CATSPERG: variants seen among roughly 807,000 people sequenced by gnomAD.
CATSPERG encodes catsper channel auxiliary subunit gamma, also known as cation channel sperm-associated auxiliary subunit gamma.
CATSPERG carries 115 observed loss-of-function variants against 145.0 expected under a neutral mutation model. That is an observed-to-expected ratio of 0.79 (90% confidence interval 0.68 to 0.93). CATSPERG has a LOEUF of 0.93. Among genes scored for constraint, CATSPERG ranks in the 40% least tolerant of loss-of-function variants. The pLI is 0.00. For synonymous variants in CATSPERG, 588 were observed against 589.0 expected (o/e 1.00, Z 0.02); for missense variants, 1,296 against 1,490.1 (o/e 0.87, Z 2.14).
In CATSPERG at chr19:38,344,122, A is replaced by G. The variant is rs547372346; in HGVS notation, c.596+3A>G. ...GGGACCTTCATTCCAGATAAAAGGT[A>G]CCCTTTCCCAAGACGGGGGCTGGGG... On this transcript the variant is annotated splice_donor_region_variant and intron_variant, in intron 5 of 28. Transcript: ENST00000409235. 22 of 1,551,438 alleles carry G rather than the reference A, an allele frequency of 1.4e-5. No homozygotes were observed. Among genetic ancestry groups the G allele is most frequent in the Non-Finnish European group, 1.9e-5 (22 of 1,146,906 alleles).
chr19:38,351,830 C>G (rs771258077), intron 7 of CATSPERG, among the ~76,000 whole-genome samples: 6 of 152,082 alleles, frequency 3.9e-5, no homozygotes, highest in African/African-American at 1.4e-4. Flanking sequence ...GAGGATCGTT[C>G]GAGCCCAGGA....
At chr19:38,358,704 A>T in intron 13 of CATSPERG, 143 bp downstream of exon 13, 1 of 973,612 alleles carries the variant, frequency 1.0e-6, no homozygotes, top group Middle Eastern at 3.2e-4. Context: ...CAGGACTGTG[A>T]TGAGGAACAC....
intron 25 of CATSPERG, 71 bp from the exon 26 acceptor site, chr19:38,367,977 C>A: frequency 7.0e-7 from 1 of 1,430,142 alleles, no homozygotes; most frequent in Non-Finnish European, 9.9e-7. Context: ...TCCCTCCACA[C>A]TGACCACTGA....
At position 38,358,426 on chromosome 19, in the gene CATSPERG, G is replaced by A. The variant is rs577229298; in HGVS notation, c.1367-6G>A. The A allele has an allele frequency of 5.1e-5, 83 of 1,614,148 alleles. 2 individuals are homozygous for A. The South Asian group carries it at 6.0e-4, about 12-fold the overall frequency. On this transcript the variant is annotated splice_polypyrimidine_tract_variant and splice_region_variant and intron_variant, in intron 12 of 28. Transcript: ENST00000409235. ...GCTGTGTCCTCTCTTCCTCTGCTCC[G>A]GTCAGCTCGAGGATTGGAGTTCCTG...
chr19:38,351,146 T>C (rs1411538577), intron 7 of CATSPERG, among the ~76,000 whole-genome samples: 1 of 152,158 alleles, frequency 6.6e-6, no homozygotes, highest in Non-Finnish European at 1.5e-5. Context: ...CTCAGGTCCC[T>C]ACCACCCCAA....
At chr19:38,347,609 G>A (rs969687388) in intron 7 of CATSPERG, among the ~76,000 whole-genome samples, 3 of 152,160 alleles carry the variant, frequency 2.0e-5, no homozygotes, top group Admixed American at 6.5e-5. Context: ...ACAGGAGAAC[G>A]CCAAGGCAGG....
chr19:38,335,950 G>A, intron 1 of CATSPERG, 75 bp downstream of exon 1: 1 of 287,980 alleles, frequency 3.5e-6, no homozygotes, highest in South Asian at 2.7e-5. Flanking sequence ...AACTAGGAAG[G>A]GGAGGGGAAG....
chr19:38,360,088 G>A (rs945671592), intron 14 of CATSPERG: 17 of 985,170 alleles, frequency 1.7e-5, no homozygotes, highest in Admixed American at 1.2e-4. Context: ...ATGGGGGTGG[G>A]CATCAGTGCA....
intron 6 of CATSPERG, among the ~76,000 whole-genome samples, chr19:38,346,240 A>C (rs1970039644): frequency 6.6e-6 from 1 of 152,184 alleles, no homozygotes; most frequent in Non-Finnish European, 1.5e-5. Context: ...TGAGGTGGGC[A>C]TGTTCCTGGG....
At chr19:38,368,638 G>T (rs1464502697) in intron 26 of CATSPERG, among the ~76,000 whole-genome samples, 1 of 152,218 alleles carries the variant, frequency 6.6e-6, no homozygotes, top group Non-Finnish European at 1.5e-5. Context: ...CCACCTTCCA[G>T]GTTCAAGCGA....
In CATSPERG at chr19:38,367,519, C is replaced by G; in HGVS notation, c.2781C>G (p.Pro927=). 2 of 1,614,056 alleles carry G rather than the reference C, an allele frequency of 1.2e-6. No homozygotes were observed. Among genetic ancestry groups the G allele is most frequent in the South Asian group, 1.1e-5 (1 of 91,076 alleles). ...CCTCCAACCCCATAGTTTTCTACCC[C>G]TTCTTCTTGATTCAAGATTTGGTGA... is the stretch of plus-strand genomic sequence containing the variant. ...PCFLFRDIFY[P]FFLIQDLVTG... Residue 927 remains proline (P), a synonymous_variant, in exon 24 of 29, where the codon CCC becomes CCG. Coordinates refer to ENST00000409235, the MANE Select transcript of CATSPERG (RefSeq NM_021185.5).
intron 20 of CATSPERG, among the ~76,000 whole-genome samples, chr19:38,364,649 C>G (rs1307975845): frequency 6.6e-6 from 1 of 152,250 alleles, no homozygotes; most frequent in Non-Finnish European, 1.5e-5. Flanking sequence ...ACTGAGTGAA[C>G]CAGACTCCGT....
At chr19:38,341,052 G>A (rs1969930085) in intron 3 of CATSPERG, among the ~76,000 whole-genome samples, 1 of 152,188 alleles carries the variant, frequency 6.6e-6, no homozygotes, top group African/African-American at 2.4e-5. Context: ...AGGTAGGAAA[G>A]AGGTCAGCAT....
intron 6 of CATSPERG, among the ~76,000 whole-genome samples, 164 bp from the exon 7 acceptor site, chr19:38,346,286 G>T (rs1408704183): frequency 4.6e-5 from 7 of 152,318 alleles, no homozygotes. Context: ...TTGTGGCTGG[G>T]AGAGAGGGAC....
rs113209702 is a variant in CATSPERG, at chr19:38,369,431, T to A, written c.3021-541T>A. 3.1e-3 allele frequency: 619 copies of A among 202,338 alleles called. 4 individuals carry two copies. Among genetic ancestry groups the A allele is most frequent in the African/African-American group, 0.014 (585 of 42,394 alleles). 12.5% of individuals were successfully genotyped at this position (202,338 alleles called of 1,614,324 possible). On this transcript the variant is annotated intron_variant, in intron 26 of 28. Transcript: ENST00000409235. ...GCATGCCACCATGCCCCGCTAATTT[T>A]TGTATTTTTTGTAGAGACGGGGTTT...
rs896260242 is a variant in CATSPERG at position 38,344,033 on chromosome 19, C to T, written c.510C>T (p.Tyr170=). The T allele has an allele frequency of 9.7e-6, 15 of 1,551,286 alleles. No individual in the cohort carries two copies. In the Admixed American group the frequency reaches 2.5e-4, roughly 26 times the overall value. Residue 170 remains tyrosine, a synonymous_variant, in exon 5 of 29, where the codon TAC becomes TAT. Coordinates refer to ENST00000409235, the MANE Select transcript of CATSPERG (RefSeq NM_021185.5). ...AAGAAGTGTGTAGCATGAGCTGGTA[C>T]ACGCCCATGCCCATCAAGAAAGGCA... is the stretch of plus-strand genomic sequence containing the variant. The part of the protein sequence containing the change: ...MAEEVCSMSW[Y]TPMPIKKGSV...
chr19:38,362,427 A>G lies in CATSPERG; in HGVS notation c.2209A>G (p.Ile737Val), dbSNP rs143041799. Residue 737 changes from isoleucine to valine, a missense_variant, in exon 19 of 29, where the codon ATA becomes GTA. Ile to Val is a conservative substitution (Grantham distance 29). Transcript: ENST00000409235. Reference protein sequence around the residue: ...SNWRSAGGVSIEMDSYEKIYN... With the variant: ...SNWRSAGGVSVEMDSYEKIYN... Reference sequence around the variant, plus strand: ...TTGGCGAAGCGCGGGCGGCGTGTCCATAGAAATGGACAGCTACGAAAAGAT... The same window carrying G: ...TTGGCGAAGCGCGGGCGGCGTGTCCGTAGAAATGGACAGCTACGAAAAGAT... 220 of 1,613,984 alleles carry G rather than the reference A, an allele frequency of 1.4e-4. No homozygotes were observed. The highest frequency in any genetic ancestry group is 4.8e-4 in the Admixed American group (29 of 60,006).
intron 7 of CATSPERG, among the ~76,000 whole-genome samples, chr19:38,351,299 G>A (rs1011828471): frequency 6.6e-6 from 1 of 151,728 alleles, no homozygotes; most frequent in Non-Finnish European, 1.5e-5. Context: ...CGTCTACACA[G>A]TTATTTATTT....
intron 6 of CATSPERG, among the ~76,000 whole-genome samples, chr19:38,344,903 T>TATATA (rs1568372947): frequency 1.2e-5 from 1 of 86,168 alleles, no homozygotes; most frequent in Non-Finnish European, 2.4e-5. Context: ...ATATATATAT[T>TATATA]TTTTTTTTTT....
Sources: gnomAD v4.1 joint callset for allele counts (sites outside exome capture counted in the v4.1 genomes callset) on GRCh38, gnomAD v4.1.1 for gene constraint, MANE v1.5 for transcripts, NCBI Gene and HGNC (gene_info 2026-07-23, HGNC 2026-07-21) for gene names.